The following PCDH17 variants were observed in gnomAD, a reference collection of about 807,000 sequenced individuals.
The protein encoded by PCDH17 is protocadherin 17.
PCDH17 carries 21 observed loss-of-function variants against 67.7 expected under a neutral mutation model. The ratio of observed to expected loss-of-function variants is 0.31; its 90% CI spans 0.22 to 0.45. PCDH17 has a LOEUF of 0.45. PCDH17 is among the 20% of genes least tolerant of loss of function. PCDH17 has a pLI of 1.00. For missense variants in PCDH17, 1,471 were observed against 1,564.8 expected, an observed-to-expected ratio of 0.94 and a Z score of 1.01; for synonymous variants, 701 against 656.7, an observed-to-expected ratio of 1.07 and a Z score of -1.03.
chr13:57,669,084 T>TG (rs1265320744), intron 3 of PCDH17, among the ~76,000 whole-genome samples: 1 of 151,954 alleles, frequency 6.6e-6, no homozygotes, highest in Admixed American at 6.6e-5. Flanking sequence ...AGTGAGAACA[T>TG]GCGGTGTTTG....
chr13:57,643,247 A>G (rs1380859905), intron 1 of PCDH17, among the ~76,000 whole-genome samples: 7 of 151,634 alleles, frequency 4.6e-5, no homozygotes, highest in African/African-American at 1.7e-4. Flanking sequence ...ATCAGTAGAT[A>G]AAATGAAATT....
chr13:57,632,864 C>A lies in PCDH17; in HGVS notation c.318C>A (p.Leu106=). The A allele has an allele frequency of 6.2e-7, 1 of 1,614,012 alleles. No homozygotes were observed. Among genetic ancestry groups the A allele is most frequent in the Non-Finnish European group, 8.5e-7 (1 of 1,180,016 alleles). The change falls in exon 1 of 4, where the codon CTC becomes CTA. Residue 106 remains leucine (L), a synonymous_variant. Transcript: ENST00000377918. The stretch of plus-strand genomic sequence containing the variant: ...ACAATGCCAAGTGCCAGCTGTCCCT[C>A]GAGGTGTTCGCCAACGACAAGGAGA... The part of the protein sequence containing the change: ...CRHNAKCQLS[L]EVFANDKEIC...
intron 3 of PCDH17, among the ~76,000 whole-genome samples, chr13:57,674,012 A>G (rs1456480570): frequency 6.6e-6 from 1 of 152,004 alleles, no homozygotes; most frequent in Non-Finnish European, 1.5e-5. Flanking sequence ...TATTTTTCAC[A>G]TGTGCAAACA....
chr13:57,654,565 A>T (rs1276718708), intron 1 of PCDH17, among the ~76,000 whole-genome samples: 2 of 152,064 alleles, frequency 1.3e-5, no homozygotes, highest in Non-Finnish European at 2.9e-5. Flanking sequence ...TGCTTGTTTC[A>T]CTAGAGGAGA....
At position 57,645,912 on chromosome 13, in the gene PCDH17, G is replaced by A. The variant is rs567338904; in HGVS notation, c.2565+10801G>A. 9.9e-5 allele frequency among the ~76,000 whole-genome samples: 15 copies of A among 151,068 alleles called. No homozygotes were observed. In the South Asian group the frequency reaches 2.1e-3, roughly 21 times the overall value. ...ATTAAGAAACTAATATGATCATTTC[G>A]TCTATATATTAATTAATTTTTAACC... On this transcript the variant is annotated intron_variant, in intron 1 of 3. Coordinates refer to ENST00000377918, the MANE Select transcript of PCDH17 (RefSeq NM_001040429.3).
At chr13:57,652,958 A>C (rs1955059632) in intron 1 of PCDH17, among the ~76,000 whole-genome samples, 1 of 152,154 alleles carries the variant, frequency 6.6e-6, no homozygotes, top group Admixed American at 6.5e-5. Context: ...AGGCTTCTAC[A>C]CGTTAAACAT....
chr13:57,652,686 A>G (rs557515487), intron 1 of PCDH17, among the ~76,000 whole-genome samples: 1 of 152,192 alleles, frequency 6.6e-6, no homozygotes, highest in Non-Finnish European at 1.5e-5. Context: ...GATTCCATTT[A>G]TACTTCTTTT....
chr13:57,691,427 T>A (rs1259380560), intron 3 of PCDH17, among the ~76,000 whole-genome samples: 1 of 151,230 alleles, frequency 6.6e-6, no homozygotes, highest in Non-Finnish European at 1.5e-5. Context: ...ATAGATAATT[T>A]TTTTTAAATG....
At chr13:57,699,646 T>G (rs1942875640) in intron 3 of PCDH17, among the ~76,000 whole-genome samples, 1 of 151,958 alleles carries the variant, frequency 6.6e-6, no homozygotes, top group African/African-American at 2.4e-5. Context: ...TGGTTTAAAG[T>G]TTTTTGATTA....
intron 3 of PCDH17, among the ~76,000 whole-genome samples, chr13:57,689,217 G>T (rs1350472044): frequency 6.6e-6 from 1 of 151,938 alleles, no homozygotes; most frequent in African/African-American, 2.4e-5. Context: ...AATACTTAGG[G>T]GAATATGTCA....
At chr13:57,698,552 C>T (rs1420579227) in intron 3 of PCDH17, among the ~76,000 whole-genome samples, 1 of 151,910 alleles carries the variant, frequency 6.6e-6, no homozygotes, top group East Asian at 1.9e-4. Flanking sequence ...CTGAAAGACA[C>T]CAAATAGCAT....
intron 1 of PCDH17, among the ~76,000 whole-genome samples, chr13:57,654,551 A>G (rs1345181384): frequency 6.6e-6 from 1 of 152,102 alleles, no homozygotes; most frequent in Non-Finnish European, 1.5e-5. Context: ...TCATTAAGTA[A>G]GATTGCTTGT....
At chr13:57,695,593 A>C (rs571430364) in intron 3 of PCDH17, among the ~76,000 whole-genome samples, 1 of 151,360 alleles carries the variant, frequency 6.6e-6, no homozygotes, top group African/African-American at 2.4e-5. Context: ...AAATCAACCA[A>C]TTTTTAACAT....
chr13:57,666,411 C>G lies in PCDH17; in HGVS notation c.2566-57C>G, dbSNP rs1955254100. ...TTTTCCACTAGGAAATCTTGTTGCT[C>G]TGCAGGAGATTTGTCCAGTGTACAA... On this transcript the variant is annotated intron_variant, in intron 1 of 3. Transcript: ENST00000377918. 3 of 1,292,438 alleles carry G rather than the reference C, an allele frequency of 2.3e-6. No individual in the cohort carries two copies. In the Admixed American group the frequency reaches 5.3e-5, roughly 23 times the overall value. 80.1% of individuals were successfully genotyped at this position (1,292,438 alleles called of 1,614,324 possible).
chr13:57,708,632 AAG>A, intron 3 of PCDH17, among the ~76,000 whole-genome samples: 1 of 152,094 alleles, frequency 6.6e-6, no homozygotes, highest in African/African-American at 2.4e-5. Context: ...AAAAGAATGA[AAG>A]AAATATCCCC....
chr13:57,699,711 T>C lies in PCDH17; in HGVS notation c.2798-24901T>C, dbSNP rs189048166. ...ATTTCCCTATTTCTGTTCTTTGTGG[T>C]ACCCATTGTTTCTCTCAAAAATGAT... On this transcript the variant is annotated intron_variant, in intron 3 of 3. Transcript: ENST00000377918. 3.3e-3 allele frequency among the ~76,000 whole-genome samples: 501 copies of C among 152,160 alleles called. 1 individual carries two copies. The highest frequency in any genetic ancestry group is 0.011 in the African/African-American group (476 of 41,562).
intron 1 of PCDH17, among the ~76,000 whole-genome samples, chr13:57,659,365 CTT>C (rs1313634633): frequency 6.6e-6 from 1 of 151,930 alleles, no homozygotes. Context: ...ATAATGAGGT[CTT>C]TATTTTTCTC....
At chr13:57,711,706 T>C (rs910746544) in intron 3 of PCDH17, among the ~76,000 whole-genome samples, 1 of 151,646 alleles carries the variant, frequency 6.6e-6, no homozygotes, top group African/African-American at 2.4e-5. Context: ...TAATTTTGCA[T>C]ATATATTTTT....
Position 57,634,940 on chromosome 13 carries a change from C to T in PCDH17, c.2394C>T (p.Phe798=). The change falls in exon 1 of 4, where the codon TTC becomes TTT. Residue 798 remains phenylalanine (F), a synonymous_variant. Transcript: ENST00000377918. This position sits in a 1 kb window ranked among gnomAD's most constrained non-coding sequence, Gnocchi z 7.8. Reference sequence around the variant, plus strand: ...CCCTGGCCACCTCCCCCATGTACTTCGACTACCAGACCCGCCTGCCCCTCA... The same window carrying T: ...CCCTGGCCACCTCCCCCATGTACTTTGACTACCAGACCCGCCTGCCCCTCA... The part of the protein sequence containing the change: ...SPSLATSPMY[F]DYQTRLPLSS... 1 of 1,613,682 alleles carries T rather than the reference C, an allele frequency of 6.2e-7. No individual in the cohort carries two copies. Among genetic ancestry groups the T allele is most frequent in the Non-Finnish European group, 8.5e-7 (1 of 1,179,940 alleles).
Sources: allele counts gnomAD v4.1 joint callset (sites outside exome capture counted in the v4.1 genomes callset), GRCh38; gene constraint gnomAD v4.1.1; non-coding constraint Gnocchi (gnomAD v3.1); transcripts MANE v1.5; gene names NCBI Gene and HGNC (gene_info 2026-07-23, HGNC 2026-07-21).